CUX2: variants seen among roughly 807,000 people sequenced by gnomAD.
CUX2 encodes the protein cut like homeobox 2.
In CUX2, 40 loss-of-function variants were observed where a neutral mutation model predicts 144.8. The ratio of observed to expected loss-of-function variants is 0.28; its 90% CI spans 0.21 to 0.36. The LOEUF (loss-of-function observed/expected upper bound fraction) is 0.36, where lower values mean the gene tolerates loss of function less well. Among genes scored for constraint, CUX2 ranks in the 10% least tolerant of loss-of-function variants. The pLI, the probability that CUX2 is intolerant of heterozygous loss-of-function variation, is 1.00. For synonymous variants in CUX2, 827 were observed against 875.6 expected (o/e 0.94, Z 0.98); for missense variants, 1,615 against 1,994.0 (o/e 0.81, Z 3.62).
chr12:111,348,260 A>G lies in CUX2; in HGVS notation c.4396A>G (p.Asn1466Asp), dbSNP rs1166190231. Residue 1466 changes from asparagine (N) to aspartate (D), a missense_variant, in exon 22 of 22, where the codon AAC becomes GAC. This residue lies in a region of CUX2 where 298 missense variants were observed against 330.4 expected (regional missense o/e 0.90). Transcript: ENST00000261726. The stretch of plus-strand genomic sequence containing the variant: ...GCGGCATGAGAAGATGGCCAATCTG[A>G]ACAACATCATTTACCGAGTAGAGCG... The part of the protein sequence containing the change: ...QRRHEKMANL[N>D]NIIYRVERAA... The G allele has an allele frequency of 6.8e-6, 11 of 1,613,862 alleles. No individual in the cohort carries two copies. Among genetic ancestry groups the G allele is most frequent in the Non-Finnish European group, 7.6e-6 (9 of 1,180,024 alleles).
intron 1 of CUX2, among the ~76,000 whole-genome samples, chr12:111,114,360 T>A (rs148478474): frequency 1.1e-3 from 172 of 152,360 alleles, no homozygotes; most frequent in Non-Finnish European, 2.2e-3. Flanking sequence ...GTTGAGCATC[T>A]TTTCATTGCT....
intron 1 of CUX2, among the ~76,000 whole-genome samples, chr12:111,143,784 A>G (rs1230732609): frequency 6.6e-6 from 1 of 152,180 alleles, no homozygotes; most frequent in Non-Finnish European, 1.5e-5. Flanking sequence ...CATGCCTGGC[A>G]TGGGCCATCT....
intron 16 of CUX2, among the ~76,000 whole-genome samples, chr12:111,319,460 C>G (rs1478505392): frequency 6.6e-6 from 1 of 151,426 alleles, no homozygotes; most frequent in African/African-American, 2.4e-5. Flanking sequence ...CAGGTCAGGC[C>G]GGGCACTGTG....
intron 1 of CUX2, among the ~76,000 whole-genome samples, chr12:111,209,216 G>A (rs1273448318): frequency 6.6e-6 from 1 of 151,968 alleles, no homozygotes; most frequent in Non-Finnish European, 1.5e-5. Flanking sequence ...TGGGCAACAT[G>A]GCGAGACCCC....
intron 1 of CUX2, among the ~76,000 whole-genome samples, chr12:111,162,534 G>A (rs759561583): frequency 2.0e-5 from 3 of 152,228 alleles, no homozygotes; most frequent in African/African-American, 7.2e-5. Flanking sequence ...AGAACTCAAT[G>A]GCTCACTGGG....
chr12:111,165,087 T>C (rs1302436415), intron 1 of CUX2, among the ~76,000 whole-genome samples: 3 of 152,186 alleles, frequency 2.0e-5, no homozygotes, highest in Admixed American at 2.0e-4. Flanking sequence ...ATATGAGCAA[T>C]GGATTCCCTT....
At chr12:111,329,276 C>A (rs73199873) in intron 18 of CUX2, among the ~76,000 whole-genome samples, 1 of 151,134 alleles carries the variant, frequency 6.6e-6, no homozygotes, top group Non-Finnish European at 1.5e-5. Context: ...GTCTGGCACC[C>A]CACCCACAAG....
intron 1 of CUX2, among the ~76,000 whole-genome samples, chr12:111,181,943 G>T (rs192165432): frequency 6.6e-6 from 1 of 152,298 alleles, no homozygotes; most frequent in African/African-American, 2.4e-5. Flanking sequence ...GTTGGCAAGA[G>T]AAATCCTTGT....
intron 4 of CUX2, among the ~76,000 whole-genome samples, chr12:111,269,684 G>A (rs1339737974): frequency 1.3e-5 from 2 of 152,074 alleles, no homozygotes; most frequent in Non-Finnish European, 2.9e-5. Flanking sequence ...TGTTCTTATG[G>A]GACCCTCATC....
chr12:111,191,652 C>T (rs1216550903), intron 1 of CUX2, among the ~76,000 whole-genome samples: 1 of 152,218 alleles, frequency 6.6e-6, no homozygotes, highest in African/African-American at 2.4e-5. Context: ...TATGACTGGT[C>T]TGCCCGTGCC....
chr12:111,305,353 C>T (rs765184605), intron 10 of CUX2, among the ~76,000 whole-genome samples: 2 of 152,194 alleles, frequency 1.3e-5, no homozygotes, highest in Non-Finnish European at 2.9e-5. Flanking sequence ...CTGACACCCA[C>T]ATATACAGGC....
chr12:111,330,702 T>TACATATAC (rs1888055709), intron 18 of CUX2, among the ~76,000 whole-genome samples: 2 of 16,412 alleles, frequency 1.2e-4, no homozygotes, highest in African/African-American at 4.4e-4. Context: ...TATATATATA[T>TACATATAC]ATATATATAT....
chr12:111,320,474 G>A lies in CUX2; in HGVS notation c.2465G>A (p.Arg822His), dbSNP rs774127876. ...SSGYSGQPNG[R>H]AWPRGDEAPV... Reference sequence around the variant, plus strand: ...GGCTACTCTGGCCAGCCCAACGGCCGCGCCTGGCCCCGCGGGGACGAGGCC... The same window carrying A: ...GGCTACTCTGGCCAGCCCAACGGCCACGCCTGGCCCCGCGGGGACGAGGCC... The change falls in exon 17 of 22, where the codon CGC becomes CAC. Residue 822 changes from arginine (R) to histidine (H), a missense_variant. Physicochemically the swap from Arg to His is conservative, Grantham distance 29 (BLOSUM62 0). Transcript: ENST00000261726. This position sits in a 1 kb window ranked among gnomAD's most constrained non-coding sequence, Gnocchi z 8.1. The A allele has an allele frequency of 4.4e-6, 7 of 1,590,388 alleles. No individual in the cohort carries two copies. Among genetic ancestry groups the A allele is most frequent in the Non-Finnish European group, 6.0e-6 (7 of 1,173,416 alleles).
intron 1 of CUX2, among the ~76,000 whole-genome samples, chr12:111,179,610 T>C (rs1424062738): frequency 6.6e-6 from 1 of 152,064 alleles, no homozygotes; most frequent in Non-Finnish European, 1.5e-5. Context: ...GTTGTTGTTG[T>C]TGTTGTTGTT....
At position 111,034,262 on chromosome 12, in the gene CUX2, C is replaced by T. The variant is rs761786474; in HGVS notation, c.63+22C>T. 7.5e-7 allele frequency: 1 copy of T among 1,328,696 alleles called. No homozygotes were observed. The highest frequency in any genetic ancestry group is 9.9e-7 in the Non-Finnish European group (1 of 1,007,038). 82.3% of individuals were successfully genotyped at this position (1,328,696 alleles called of 1,614,324 possible). On this transcript the variant is annotated intron_variant, in intron 1 of 21. Transcript: ENST00000261726. The surrounding 1 kb of genome is among the most constrained non-coding windows in gnomAD (Gnocchi z 4.2). ...CCAGGTTAGTGCGGGCAGCGCCGGC[C>T]GCGCGGCCGTGAGGAGCCCCCGGGC...
rs986032283 is a variant in CUX2 at position 111,179,241 on chromosome 12, C to T, written c.64-34959C>T. ...GAATGCATTTCAGCCCCAGCCCTGC[C>T]CCTGACTGACCTGTTTAAATCACTT... On this transcript the variant is annotated intron_variant, in intron 1 of 21. Transcript: ENST00000261726. Among the ~76,000 whole-genome samples, 15 of 152,142 alleles carry T rather than the reference C, an allele frequency of 9.9e-5. 1 individual carries two copies. The highest frequency in any genetic ancestry group is 3.4e-4 in the African/African-American group (14 of 41,426).
At chr12:111,267,627 C>T (rs1413803333) in intron 4 of CUX2, among the ~76,000 whole-genome samples, 1 of 152,200 alleles carries the variant, frequency 6.6e-6, no homozygotes, top group Non-Finnish European at 1.5e-5. Flanking sequence ...AGATTCATTC[C>T]GTCCCTGTTC....
Position 111,287,843 on chromosome 12 carries a change from A to G in CUX2, c.302-3575A>G, listed in dbSNP as rs1466083671. 6.6e-6 allele frequency among the ~76,000 whole-genome samples: 1 copy of G among 152,240 alleles called. No homozygotes were observed. The highest frequency in any genetic ancestry group is 2.4e-5 in the African/African-American group (1 of 41,454). ...CCAGCCGGACCTGAAGGCCCCATGTACAGGCATTGCCCCGTTTCTTCCATC... is the reference window on the plus strand; with the variant it reads ...CCAGCCGGACCTGAAGGCCCCATGTGCAGGCATTGCCCCGTTTCTTCCATC... On this transcript the variant is annotated intron_variant, in intron 4 of 21. Coordinates refer to ENST00000261726, the MANE Select transcript of CUX2 (RefSeq NM_015267.4). The surrounding 1 kb of genome is among the most constrained non-coding windows in gnomAD (Gnocchi z 4.2).
At chr12:111,220,937 TAAAAAAAAAAA>T (rs1162004039) in intron 3 of CUX2, among the ~76,000 whole-genome samples, 4 of 92,098 alleles carry the variant, frequency 4.3e-5, no homozygotes, top group African/African-American at 8.6e-5. Flanking sequence ...CCTGGTCTCT[TAAAAAAAAAAA>T]AAAAAAAAAA....
Sources: gnomAD v4.1 joint callset for allele counts (sites outside exome capture counted in the v4.1 genomes callset) on GRCh38, gnomAD v4.1.1 for gene constraint, gnomAD v4.1.1 regional missense constraint, Gnocchi (gnomAD v3.1) non-coding constraint, MANE v1.5 for transcripts, NCBI Gene and HGNC (gene_info 2026-07-23, HGNC 2026-07-21) for gene names.